COL11A2: variants seen among roughly 807,000 people sequenced by gnomAD.
COL11A2 encodes the protein collagen type XI alpha 2 chain.
A neutral mutation model predicts 273.4 loss-of-function variants in COL11A2; 116 were observed. That is an observed-to-expected ratio of 0.42 (90% CI 0.36 to 0.49). The LOEUF (loss-of-function observed/expected upper bound fraction) is 0.49, where lower values mean the gene tolerates loss of function less well. Among genes scored for constraint, COL11A2 ranks in the 20% least tolerant of loss-of-function variants. The pLI is 0.00. For missense variants in COL11A2, 1,866 were observed against 2,309.0 expected (o/e 0.81, Z 3.93); for synonymous variants, 782 against 864.2 (o/e 0.90, Z 1.67).
rs112554586 is a variant in COL11A2 at position 33,186,046 on chromosome 6, C to T, written c.799-268G>A. On this transcript the variant is annotated intron_variant, in intron 5 of 65. Transcript: ENST00000341947. ...ACCCTCTGATCTTTAGACCACTGAC[C>T]CCAGAGCCTATCTGTATTCTAACTC... Among the ~76,000 whole-genome samples, 575 of 151,856 alleles carry T rather than the reference C, an allele frequency of 3.8e-3. 2 individuals are homozygous for T. Among genetic ancestry groups the T allele is most frequent in the Non-Finnish European group, 5.8e-3 (395 of 67,878 alleles).
chr6:33,182,106 C>T (rs1771808866), intron 8 of COL11A2, among the ~76,000 whole-genome samples: 1 of 151,922 alleles, frequency 6.6e-6, no homozygotes, highest in South Asian at 2.1e-4. Flanking sequence ...GCAACCCCGT[C>T]TCTAATAAAA....
chr6:33,175,725 G>T, intron 29 of COL11A2, 44 bp from the exon 30 acceptor site: 1 of 1,569,830 alleles, frequency 6.4e-7, no homozygotes, highest in Admixed American at 1.7e-5. Context: ...GACTGGAGGT[G>T]GGCTCTGGGC....
Position 33,166,704 on chromosome 6 carries a change from C to T in COL11A2, c.4338+16G>A, listed in dbSNP as rs2150522166. On this transcript the variant is annotated intron_variant, in intron 59 of 65. Transcript: ENST00000341947. The surrounding 1 kb of genome is among the most constrained non-coding windows in gnomAD (Gnocchi z 4.8). ...TCTCAACCCCCACAACTTCCGGGAC[C>T]ATGCCCTCTACTCACCATCTCACCC... The T allele has an allele frequency of 6.2e-7, 1 of 1,613,834 alleles. No homozygotes were observed. The highest frequency in any genetic ancestry group is 1.1e-5 in the South Asian group (1 of 91,082).
chr6:33,187,398 G>C (rs1489045277), intron 4 of COL11A2, among the ~76,000 whole-genome samples: 3 of 152,172 alleles, frequency 2.0e-5, no homozygotes, highest in African/African-American at 7.2e-5. Context: ...AGCCCACCTG[G>C]GAGCTCTTGG....
chr6:33,174,119 C>G, intron 32 of COL11A2, 46 bp downstream of exon 32: 1 of 1,609,500 alleles, frequency 6.2e-7, no homozygotes, highest in Non-Finnish European at 8.5e-7. Context: ...CCCCTCTACA[C>G]CTCTCCAGCC....
In COL11A2 at chr6:33,190,484, A is replaced by C. The variant is rs1027808252; in HGVS notation, c.83-1015T>G. 6.6e-6 allele frequency among the ~76,000 whole-genome samples: 1 copy of C among 152,096 alleles called. No individual in the cohort carries two copies. The highest frequency in any genetic ancestry group is 1.5e-5 in the Non-Finnish European group (1 of 68,018). On this transcript the variant is annotated intron_variant, in intron 1 of 65. Transcript: ENST00000341947. The surrounding 1 kb of genome is among the most constrained non-coding windows in gnomAD (Gnocchi z 4.5). ...TCACCTTGCCCTCACTTGCTCCCCT[A>C]TACACATACTCTTCACACCATCAGC...
Position 33,163,318 on chromosome 6 carries a change from C to T in COL11A2, c.*360G>A, listed in dbSNP as rs1768606596. On this transcript the variant is annotated 3_prime_UTR_variant, in exon 66 of 66. Transcript: ENST00000341947. The surrounding 1 kb of genome is among the most constrained non-coding windows in gnomAD (Gnocchi z 4.1). ...GGCGTTTCTCTTTTTTGTTATTTTGCTTTCCACACTTTAAATAATTAATAC... is the reference window on the plus strand; with the variant it reads ...GGCGTTTCTCTTTTTTGTTATTTTGTTTTCCACACTTTAAATAATTAATAC... 3 of 290,956 alleles carry T rather than the reference C, an allele frequency of 1.0e-5. No individual in the cohort carries two copies. Among genetic ancestry groups the T allele is most frequent in the Non-Finnish European group, 1.3e-5 (2 of 155,776 alleles). The allele number at this position is 290,956 out of a possible 1,614,324, so 18.0% of individuals were successfully genotyped here.
chr6:33,168,445 C>T (rs1769513100), intron 54 of COL11A2, 74 bp downstream of exon 54: 1 of 1,528,622 alleles, frequency 6.5e-7, no homozygotes, highest in Non-Finnish European at 9.1e-7. Context: ...ACCCATCCCA[C>T]CTGCCATTGC....
chr6:33,178,521 C>A lies in COL11A2; in HGVS notation c.1720-33G>T, dbSNP rs1258689027. 8.7e-6 allele frequency: 14 copies of A among 1,612,314 alleles called. No homozygotes were observed. The highest frequency in any genetic ancestry group is 1.2e-5 in the Non-Finnish European group (14 of 1,179,492). On this transcript the variant is annotated intron_variant, in intron 18 of 65. Coordinates refer to ENST00000341947, the MANE Select transcript of COL11A2 (RefSeq NM_080680.3). The surrounding 1 kb of genome is among the most constrained non-coding windows in gnomAD (Gnocchi z 4.6). ...ATGGGGGAACTCATAAGAGGGGCTT[C>A]AGAGCCCCCAACACAGGCAGACACC...
rs1457746213 is a variant in COL11A2 at position 33,174,222 on chromosome 6, G to A, written c.2431-4C>T. The A allele has an allele frequency of 1.9e-6, 3 of 1,560,998 alleles. No individual in the cohort carries two copies. The highest frequency in any genetic ancestry group is 4.8e-5 in the East Asian group (2 of 41,642). Reference sequence around the variant, plus strand: ...AGCCAGGAAATCCTAGGGACCCCTGGTGAGAACGGAGAAGGGGGGAAATTG... The same window carrying A: ...AGCCAGGAAATCCTAGGGACCCCTGATGAGAACGGAGAAGGGGGGAAATTG... On this transcript the variant is annotated splice_region_variant and splice_polypyrimidine_tract_variant and intron_variant, in intron 31 of 65. Transcript: ENST00000341947.
Position 33,179,481 on chromosome 6 carries a change from G to A in COL11A2, c.1453C>T (p.Leu485Phe), listed in dbSNP as rs1771423539. ...CCCATGGGGCCAGGGGGTCCACGGA[G>A]CGCCAGCTAGGGGAGCAGGGGGACA... ...QAILQQARLA[L>F]RGPPGPMGYT... is the part of the protein sequence containing the mutation. The change falls in exon 14 of 66, where the codon CTC becomes TTC. Residue 485 changes from leucine (L) to phenylalanine (F), a missense_variant. Transcript: ENST00000341947. This position sits in a 1 kb window ranked among gnomAD's most constrained non-coding sequence, Gnocchi z 6.4. The A allele has an allele frequency of 6.4e-7, 1 of 1,562,400 alleles. No individual in the cohort carries two copies. Among genetic ancestry groups the A allele is most frequent in the Non-Finnish European group, 8.7e-7 (1 of 1,153,184 alleles).
intron 11 of COL11A2, 53 bp from the exon 12 acceptor site, chr6:33,180,385 G>T: frequency 7.0e-7 from 1 of 1,438,312 alleles, no homozygotes; most frequent in South Asian, 1.1e-5. Flanking sequence ...GGGACATCAA[G>T]ATCTTAGCAT....
In COL11A2 at chr6:33,178,364, G is replaced by A; in HGVS notation, c.1774-12C>T. Reference sequence around the variant, plus strand: ...TCCCCGTCATCTCCCTGGAGGAGGAGGACACGGTAAAGCTGCTGTGCCTTC... The same window carrying A: ...TCCCCGTCATCTCCCTGGAGGAGGAAGACACGGTAAAGCTGCTGTGCCTTC... On this transcript the variant is annotated splice_polypyrimidine_tract_variant and intron_variant, in intron 19 of 65. Transcript: ENST00000341947. This position sits in a 1 kb window ranked among gnomAD's most constrained non-coding sequence, Gnocchi z 4.6. 6 of 1,612,822 alleles carry A rather than the reference G, an allele frequency of 3.7e-6. No individual in the cohort carries two copies. The Middle Eastern group carries it at 8.2e-4, about 222-fold the overall frequency.
Position 33,177,335 on chromosome 6 carries a change from C to G in COL11A2, c.1971+77G>C, listed in dbSNP as rs1301273762. 3.7e-6 allele frequency: 6 copies of G among 1,600,640 alleles called. No homozygotes were observed. Among genetic ancestry groups the G allele is most frequent in the Non-Finnish European group, 5.1e-6 (6 of 1,169,628 alleles). ...GCCTGAAACCCTTAATTTCCTGTAT[C>G]CTTCCAGGGTCTCACCCATTGTGGA... On this transcript the variant is annotated intron_variant, in intron 23 of 65. Coordinates refer to ENST00000341947, the MANE Select transcript of COL11A2 (RefSeq NM_080680.3). The surrounding 1 kb of genome is among the most constrained non-coding windows in gnomAD (Gnocchi z 5.9).
chr6:33,167,888 C>T lies in COL11A2; in HGVS notation c.3961-36G>A, dbSNP rs767595216. ...AGTGGGAAGGAAGAGCACATGAGGC[C>T]GTGGGCAGCCAGGCTCAACTCTTCC... is the stretch of plus-strand genomic sequence containing the variant. On this transcript the variant is annotated intron_variant, in intron 54 of 65. Transcript: ENST00000341947. This position sits in a 1 kb window ranked among gnomAD's most constrained non-coding sequence, Gnocchi z 6.1. 46 of 1,611,144 alleles carry T rather than the reference C, an allele frequency of 2.9e-5. No individual in the cohort carries two copies. Among genetic ancestry groups the T allele is most frequent in the Non-Finnish European group, 3.7e-5 (44 of 1,179,132 alleles).
At position 33,167,737 on chromosome 6, in the gene COL11A2, G is replaced by C; in HGVS notation, c.4014+62C>G. On this transcript the variant is annotated intron_variant, in intron 55 of 65. Transcript: ENST00000341947. This position sits in a 1 kb window ranked among gnomAD's most constrained non-coding sequence, Gnocchi z 6.1. ...GAGATGGGGTGGGCATCTGGAGACG[G>C]AGGCATCTGAGGGGTGGGAGGCGGA... 6.3e-7 allele frequency: 1 copy of C among 1,596,374 alleles called. No individual in the cohort carries two copies. The highest frequency in any genetic ancestry group is 8.6e-7 in the Non-Finnish European group (1 of 1,167,018).
In COL11A2 at chr6:33,166,245, G is replaced by A. The variant is rs1376089128; in HGVS notation, c.4393-39C>T. 49 of 1,581,730 alleles carry A rather than the reference G, an allele frequency of 3.1e-5. No homozygotes were observed. The highest frequency in any genetic ancestry group is 4.0e-5 in the Non-Finnish European group (46 of 1,164,514). On this transcript the variant is annotated intron_variant, in intron 60 of 65. Coordinates refer to ENST00000341947, the MANE Select transcript of COL11A2 (RefSeq NM_080680.3). The surrounding 1 kb of genome is among the most constrained non-coding windows in gnomAD (Gnocchi z 4.8). The stretch of plus-strand genomic sequence containing the variant: ...AACAAGAAAGAGACGGTCACTGCAG[G>A]GGAAGGACAGGACTCAGAGGAGCGG...
rs763613565 is a variant in COL11A2, at chr6:33,164,856, G to T, written c.4859C>A (p.Thr1620Lys). ...CAGCGAGGGGCCAGCTCTCACCTGC[G>T]TGACGTCATCCCTAGGCGTCACACA... ...ETCVTPRDDV[T>K]QFSYVDSEGS... The change falls in exon 64 of 66, where the codon ACG (threonine) becomes AAG (lysine). Residue 1620 changes from threonine to lysine, a missense_variant. Transcript: ENST00000341947. The surrounding 1 kb of genome is among the most constrained non-coding windows in gnomAD (Gnocchi z 4.7). 1 of 1,557,782 alleles carries T rather than the reference G, an allele frequency of 6.4e-7. No individual in the cohort carries two copies. The highest frequency in any genetic ancestry group is 8.7e-7 in the Non-Finnish European group (1 of 1,149,866).
At position 33,184,989 on chromosome 6, in the gene COL11A2, T is replaced by TGCCTCC. The variant is rs1332426124; in HGVS notation, c.939+2_939+3insGGAGGC. 1 of 1,551,018 alleles carries TGCCTCC rather than the reference T, an allele frequency of 6.4e-7. No individual in the cohort carries two copies. Among genetic ancestry groups the TGCCTCC allele is most frequent in the African/African-American group, 1.4e-5 (1 of 73,152 alleles). ...ATGGGGTGAGGGTGGGGCATAGAGT[T>TGCCTCC]ACCTCCTCAAGGGGTGGCAAGAGGC... On this transcript the variant is annotated splice_region_variant and intron_variant, in intron 7 of 65. Coordinates refer to ENST00000341947, the MANE Select transcript of COL11A2 (RefSeq NM_080680.3).
Sources: gnomAD v4.1 joint callset for allele counts (sites outside exome capture counted in the v4.1 genomes callset) on GRCh38, gnomAD v4.1.1 for gene constraint, Gnocchi (gnomAD v3.1) non-coding constraint, MANE v1.5 for transcripts, NCBI Gene and HGNC (gene_info 2026-07-23, HGNC 2026-07-21) for gene names.